Variants in CCDC30 observed in about 807,000 individuals in gnomAD.
CCDC30 encodes coiled-coil domain-containing protein 30.
Under a neutral mutation model 100.2 loss-of-function variants are expected in CCDC30, and 70 were observed. The ratio of observed to expected loss-of-function variants is 0.70; its 90% confidence interval spans 0.58 to 0.85. CCDC30 has a LOEUF of 0.85. CCDC30 is among the 40% of genes least tolerant of loss of function. The pLI, the probability that CCDC30 is intolerant of heterozygous loss-of-function variation, is 0.00. For missense variants in CCDC30, 652 were observed against 771.2 expected, an observed-to-expected ratio of 0.85 and a Z score of 1.83; for synonymous variants, 233 against 269.5, an observed-to-expected ratio of 0.86 and a Z score of 1.33.
At position 42,488,150 on chromosome 1, in the gene CCDC30, G is replaced by GT. The variant is rs549197008; in HGVS notation, c.170-1997dup. Among the ~76,000 whole-genome samples, 433 of 147,100 alleles carry GT rather than the reference G, an allele frequency of 2.9e-3. 1 individual carries two copies. The highest frequency in any genetic ancestry group is 0.011 in the East Asian group (55 of 5,084). On this transcript the variant is annotated intron_variant, in intron 3 of 16. Transcript: ENST00000668663. The stretch of plus-strand genomic sequence containing the variant: ...TTTGAAATCTTCCATAAGTAAAAAA[G>GT]TTTTTTTTTTTAAATCGATGCTAAC...
At chr1:42,482,520 C>T (rs1348943789) in intron 2 of CCDC30, 143 bp from the exon 3 acceptor site, 4 of 404,494 alleles carry the variant, frequency 9.9e-6, no homozygotes, top group African/African-American at 6.3e-5. Flanking sequence ...CACACACATA[C>T]ACACACACAC....
At chr1:42,559,478 A>AT (rs933119270) in intron 6 of CCDC30, among the ~76,000 whole-genome samples, 5 of 152,174 alleles carry the variant, frequency 3.3e-5, no homozygotes, top group African/African-American at 9.7e-5. Flanking sequence ...AGCAAAAAAA[A>AT]GCAGGGGTTG....
upstream of CCDC30, among the ~76,000 whole-genome samples, chr1:42,462,548 G>A (rs1312812847): frequency 6.6e-6 from 1 of 152,184 alleles, no homozygotes; most frequent in Non-Finnish European, 1.5e-5. Flanking sequence ...GGGAACTAGA[G>A]TAAGACCAAG....
intron 1 of CCDC30, among the ~76,000 whole-genome samples, chr1:42,468,030 T>G (rs1472787170): frequency 6.6e-6 from 1 of 152,238 alleles, no homozygotes; most frequent in Non-Finnish European, 1.5e-5. Flanking sequence ...CAGGAGAGAC[T>G]GTTAATGGCT....
At chr1:42,566,117 G>A (rs1015478616) in intron 6 of CCDC30, among the ~76,000 whole-genome samples, 179 bp from the exon 11 acceptor site, 4 of 152,048 alleles carry the variant, frequency 2.6e-5, no homozygotes, top group African/African-American at 4.8e-5. Flanking sequence ...TGTATTATAT[G>A]AACATGTATC....
rs151298044 is a variant in CCDC30 at position 42,540,859 on chromosome 1, G to A, written c.457-25437G>A. Among the ~76,000 whole-genome samples, 15 of 152,172 alleles carry A rather than the reference G, an allele frequency of 9.9e-5. No homozygotes were observed. The East Asian group carries it at 1.7e-3, about 18-fold the overall frequency. ...AATACCATTATCTAATCTATAGCTCGTATTCAGATTTTATTCTGATTCCCC... is the reference window on the plus strand; with the variant it reads ...AATACCATTATCTAATCTATAGCTCATATTCAGATTTTATTCTGATTCCCC... On this transcript the variant is annotated intron_variant, in intron 6 of 16. Coordinates refer to ENST00000668663, the Ensembl canonical transcript of CCDC30.
chr1:42,459,307 T>A (rs192108906), upstream of CCDC30: 205 of 319,386 alleles, frequency 6.4e-4, 4 homozygotes, highest in Middle Eastern at 1.1e-3. Flanking sequence ...GGACTACAGG[T>A]GGGTGCCACC....
chr1:42,505,881 C>T (rs868618231), intron 6 of CCDC30, among the ~76,000 whole-genome samples: 4 of 152,202 alleles, frequency 2.6e-5, no homozygotes, highest in Non-Finnish European at 4.4e-5. Flanking sequence ...TTTATTGGCT[C>T]TTCAAGTCAA....
At chr1:42,620,758 A>G (rs1433041993) in intron 11 of CCDC30, among the ~76,000 whole-genome samples, 3 of 152,098 alleles carry the variant, frequency 2.0e-5, no homozygotes, top group East Asian at 3.9e-4. Flanking sequence ...CACAGATCTC[A>G]AGAAAAGACT....
chr1:42,568,740 G>A (rs1645662522), intron 7 of CCDC30, among the ~76,000 whole-genome samples: 1 of 150,272 alleles, frequency 6.7e-6, no homozygotes, highest in Non-Finnish European at 1.5e-5. Flanking sequence ...GACCAGCCTG[G>A]CTAACATGGC....
rs563421134 is a variant in CCDC30, at chr1:42,642,035, C to T, written c.1420-438C>T. On this transcript the variant is annotated intron_variant, in intron 12 of 16. Transcript: ENST00000668663. ...GGTCAGGAGATCGAGACCATCCTGG[C>T]TAACACGGTGAAACCCCATCTCTAC... 1.4e-4 allele frequency among the ~76,000 whole-genome samples: 21 copies of T among 152,178 alleles called. 1 individual carries two copies. In the South Asian group the frequency reaches 3.9e-3, roughly 29 times the overall value.
intron 6 of CCDC30, 134 bp from the exon 7 acceptor site, chr1:42,536,342 C>A: frequency 1.8e-6 from 1 of 545,524 alleles, no homozygotes; most frequent in East Asian, 3.0e-5. Flanking sequence ...ATCTTATGAG[C>A]TATAAACTAG....
At chr1:42,464,249 G>A (rs938933866) in intron 1 of CCDC30, 2 of 152,156 alleles carry the variant, frequency 1.3e-5, no homozygotes, top group African/African-American at 2.4e-5. Context: ...TGTAGGTCTA[G>A]TGTGTTTTGA....
intron 3 of CCDC30, among the ~76,000 whole-genome samples, chr1:42,489,538 T>C (rs1163940388): frequency 1.3e-5 from 2 of 152,224 alleles, no homozygotes; most frequent in Non-Finnish European, 2.9e-5. Flanking sequence ...CATGTTAGTC[T>C]CTTACTTCTG....
At chr1:42,467,090 C>A (rs1643614443) in intron 1 of CCDC30, among the ~76,000 whole-genome samples, 1 of 152,036 alleles carries the variant, frequency 6.6e-6, no homozygotes, top group Non-Finnish European at 1.5e-5. Flanking sequence ...TGATAGGGAC[C>A]AATAAGTATA....
At chr1:42,614,229 C>T (rs1026226152) in intron 11 of CCDC30, among the ~76,000 whole-genome samples, 24 of 151,564 alleles carry the variant, frequency 1.6e-4, no homozygotes, top group African/African-American at 2.9e-4. Flanking sequence ...TACAGGCGCC[C>T]GCCACTACGC....
intron 5 of CCDC30, 107 bp downstream of exon 5, chr1:42,497,320 C>G: frequency 1.9e-6 from 1 of 519,096 alleles, no homozygotes; most frequent in Non-Finnish European, 3.0e-6. Flanking sequence ...TAGCAGGGAC[C>G]AATACTGGTG....
chr1:42,650,413 G>C (rs972716592), intron 15 of CCDC30, among the ~76,000 whole-genome samples: 6 of 151,794 alleles, frequency 4.0e-5, no homozygotes, highest in Non-Finnish European at 7.4e-5. Context: ...TTGAGCCCAG[G>C]TGGTAGAGGT....
intron 6 of CCDC30, among the ~76,000 whole-genome samples, chr1:42,520,235 A>C (rs1029585722): frequency 9.2e-5 from 14 of 151,588 alleles, no homozygotes; most frequent in African/African-American, 3.4e-4. Context: ...TACTGTAAGC[A>C]GTTACAAATT....
Sources: gnomAD v4.1 joint callset for allele counts (sites outside exome capture counted in the v4.1 genomes callset) on GRCh38, gnomAD v4.1.1 for gene constraint, MANE v1.5 for transcripts, NCBI Gene and HGNC (gene_info 2026-07-23, HGNC 2026-07-21) for gene names.